Variants in RANBP2 observed in about 807,000 individuals in gnomAD.
The protein encoded by RANBP2 is RAN binding protein 2.
RANBP2 carries 57 observed loss-of-function variants against 303.6 expected under a neutral mutation model. The observed-to-expected ratio is 0.19, with a 90% CI of 0.15 to 0.23. The LOEUF (loss-of-function observed/expected upper bound fraction) is 0.23. Ranked by LOEUF, RANBP2 falls within the 10% of genes least tolerant of loss-of-function variation. The probability of loss-of-function intolerance (pLI) is 1.00; values close to 1 mark genes in which losing one functional copy is unlikely to be tolerated. For missense variants in RANBP2, 3,138 were observed against 3,780.8 expected (o/e 0.83, Z 4.46); for synonymous variants, 1,167 against 1,301.5 (o/e 0.90, Z 2.23).
chr2:109,605,864 G>C, the RANBP2 span, among the ~76,000 whole-genome samples: 1 of 152,148 alleles, frequency 6.6e-6, no homozygotes, highest in African/African-American at 2.4e-5. Context: ...AATGATCCAT[G>C]TCACAAAGAA....
chr2:108,951,560 C>T, the RANBP2 span, among the ~76,000 whole-genome samples: 4 of 152,136 alleles, frequency 2.6e-5, no homozygotes, highest in Non-Finnish European at 5.9e-5. Context: ...GTTCCAAATC[C>T]TATACACAAT....
At chr2:109,464,067 C>T in the RANBP2 span, among the ~76,000 whole-genome samples, 3 of 152,186 alleles carry the variant, frequency 2.0e-5, no homozygotes, top group East Asian at 5.8e-4. Context: ...GCTGGTAGAC[C>T]TGCCAGCCCC....
chr2:109,643,916 A>G, the RANBP2 span, among the ~76,000 whole-genome samples: 1 of 151,774 alleles, frequency 6.6e-6, no homozygotes, highest in African/African-American at 2.4e-5. Context: ...AGGTCAGGAG[A>G]TCAAGACCAG....
At chr2:109,760,259 G>A in the RANBP2 span, 4 of 148,506 alleles carry the variant, frequency 2.7e-5, no homozygotes, top group Non-Finnish European at 6.0e-5. Flanking sequence ...TTCCCAGGGG[G>A]TAGAATGTCA....
the RANBP2 span, among the ~76,000 whole-genome samples, chr2:108,998,484 T>C: frequency 6.6e-5 from 10 of 152,158 alleles, no homozygotes; most frequent in Non-Finnish European, 1.3e-4. Context: ...ACACATCCAA[T>C]CCTCCTCGTT....
the RANBP2 span, among the ~76,000 whole-genome samples, chr2:108,837,032 G>A: frequency 6.6e-6 from 1 of 151,784 alleles, no homozygotes; most frequent in African/African-American, 2.4e-5. Flanking sequence ...TCTCCAATTT[G>A]GATACTTTTT....
chr2:109,388,375 A>G, the RANBP2 span, among the ~76,000 whole-genome samples: 1 of 151,634 alleles, frequency 6.6e-6, no homozygotes. Context: ...AAAAAGCTCC[A>G]CCTGCCACAG....
At chr2:109,305,720 A>G in the RANBP2 span, among the ~76,000 whole-genome samples, 1 of 152,206 alleles carries the variant, frequency 6.6e-6, no homozygotes, top group Non-Finnish European at 1.5e-5. Flanking sequence ...GTGTGGCTAC[A>G]ATGCGGGAGG....
the RANBP2 span, chr2:109,129,868 G>A: frequency 6.6e-7 from 1 of 1,524,762 alleles, no homozygotes; most frequent in Non-Finnish European, 8.8e-7. Flanking sequence ...CGAACTGCCC[G>A]CCAACATCTT....
rs1270848369 is a variant in RANBP2 at position 108,767,933 on chromosome 2, G to A, written c.7394G>A (p.Gly2465Asp). The A allele has an allele frequency of 1.1e-5, 17 of 1,611,764 alleles. No individual in the cohort carries two copies. The highest frequency in any genetic ancestry group is 1.4e-5 in the Non-Finnish European group (16 of 1,179,808). Residue 2465 changes from glycine (G) to aspartate (D), a missense_variant, in exon 20 of 29, where the codon GGC (glycine) becomes GAC (aspartate). Gly to Asp is a moderately conservative substitution (Grantham distance 94). Coordinates refer to ENST00000283195, the MANE Select transcript of RANBP2 (RefSeq NM_006267.5). ...RSSTPRESPC[G>D]KIAVAVLEET... Reference sequence around the variant, plus strand: ...AGCACTCCCAGAGAGTCACCATGTGGCAAAATTGCTGTAGCTGTATTAGAA... The same window carrying A: ...AGCACTCCCAGAGAGTCACCATGTGACAAAATTGCTGTAGCTGTATTAGAA...
the RANBP2 span, among the ~76,000 whole-genome samples, chr2:109,243,578 G>C: frequency 6.6e-6 from 1 of 152,174 alleles, no homozygotes; most frequent in African/African-American, 2.4e-5. Flanking sequence ...GAATGACAGA[G>C]AATGACTTTT....
At chr2:108,797,782 G>C in the RANBP2 span, among the ~76,000 whole-genome samples, 8 of 152,144 alleles carry the variant, frequency 5.3e-5, no homozygotes, top group African/African-American at 1.2e-4. Context: ...ACAAAGAGTG[G>C]AATATAGGAC....
the RANBP2 span, among the ~76,000 whole-genome samples, chr2:109,104,130 C>T: frequency 6.6e-6 from 1 of 152,148 alleles, no homozygotes; most frequent in African/African-American, 2.4e-5. Flanking sequence ...CCACAAGAGA[C>T]AGCTTTGCAG....
the RANBP2 span, among the ~76,000 whole-genome samples, chr2:109,547,776 C>T: frequency 1.0e-3 from 154 of 152,236 alleles, no homozygotes; most frequent in African/African-American, 3.7e-3. Context: ...ATCTATCTAA[C>T]GTTTTTACCA....
At chr2:109,097,219 G>A in the RANBP2 span, among the ~76,000 whole-genome samples, 3 of 151,666 alleles carry the variant, frequency 2.0e-5, no homozygotes, top group Non-Finnish European at 2.9e-5. Flanking sequence ...CAGGAGAATC[G>A]CTTGAACCCG....
the RANBP2 span, among the ~76,000 whole-genome samples, chr2:109,395,513 TTA>T: frequency 6.6e-6 from 1 of 151,472 alleles, no homozygotes; most frequent in Non-Finnish European, 1.5e-5. Flanking sequence ...GCAGGAGCTC[TTA>T]CTTCTCCTGC....
the RANBP2 span, among the ~76,000 whole-genome samples, chr2:109,082,422 T>C: frequency 6.6e-6 from 1 of 152,070 alleles, no homozygotes; most frequent in African/African-American, 2.4e-5. Context: ...TGCCTCAGCC[T>C]CCCGAGTAGC....
At chr2:109,336,155 ATACT>A in the RANBP2 span, among the ~76,000 whole-genome samples, 5 of 152,184 alleles carry the variant, frequency 3.3e-5, no homozygotes, top group East Asian at 1.9e-4. Context: ...AAAGTCAAAA[ATACT>A]TACTACTCTG....
the RANBP2 span, among the ~76,000 whole-genome samples, chr2:109,086,039 G>A: frequency 1.3e-5 from 2 of 152,214 alleles, no homozygotes; most frequent in Admixed American, 1.3e-4. Context: ...TTGTCCTTTG[G>A]TGATGGGCTT....
Sources: gnomAD v4.1 joint callset for allele counts (sites outside exome capture counted in the v4.1 genomes callset) on GRCh38, gnomAD v4.1.1 for gene constraint, MANE v1.5 for transcripts, NCBI Gene and HGNC (gene_info 2026-07-23, HGNC 2026-07-21) for gene names.